Variants in RADIL observed in about 807,000 individuals in gnomAD.
RADIL encodes Rap associating with DIL domain.
RADIL carries 99 observed loss-of-function variants against 97.6 expected under a neutral mutation model. The ratio of observed to expected loss-of-function variants is 1.01; its 90% CI spans 0.86 to 1.20. The LOEUF (loss-of-function observed/expected upper bound fraction) is 1.20, where lower values mean the gene tolerates loss of function less well. Ranked by LOEUF, RADIL falls within the 50% of genes most tolerant of loss-of-function variation. The pLI is 0.00. For synonymous variants in RADIL, 803 were observed against 691.8 expected (o/e 1.16, Z -2.52); for missense variants, 1,765 against 1,498.9 (o/e 1.18, Z -2.93).
chr7:4,810,231 A>C (rs552190804), intron 9 of RADIL, among the ~76,000 whole-genome samples: 11 of 152,224 alleles, frequency 7.2e-5, no homozygotes, highest in South Asian at 6.2e-4. Flanking sequence ...TGGCACGATC[A>C]CAGCTCACTG....
rs144331716 is a variant in RADIL at position 4,842,184 on chromosome 7, A to C, written c.536-5579T>G. On this transcript the variant is annotated intron_variant, in intron 2 of 14. Coordinates refer to ENST00000399583, the MANE Select transcript of RADIL (RefSeq NM_018059.5). This position sits in a 1 kb window ranked among gnomAD's most constrained non-coding sequence, Gnocchi z 4.5. ...CCTTTGACAATGGGATAGAAGGAGT[A>C]GAAAGTGCAGGGCGCCGGGGCAATG... Among the ~76,000 whole-genome samples the C allele has an allele frequency of 0.011, 1,610 of 152,294 alleles. 14 individuals carry two copies. The highest frequency in any genetic ancestry group is 0.034 in the Middle Eastern group (10 of 294).
At chr7:4,803,797 T>C (rs1357704042) in intron 10 of RADIL, 43 bp from the exon 11 acceptor site, 2 of 1,512,762 alleles carry the variant, frequency 1.3e-6, no homozygotes, top group Non-Finnish European at 1.8e-6. Context: ...CAGGAGAAGC[T>C]GCCTCCCTCG....
intron 9 of RADIL, 80 bp from the exon 10 acceptor site, chr7:4,805,796 G>T (rs1022737368): frequency 1.3e-6 from 2 of 1,518,862 alleles, no homozygotes; most frequent in Non-Finnish European, 1.8e-6. Flanking sequence ...TCCACAGGTG[G>T]CCTGGGGGTA....
chr7:4,841,534 A>G (rs1269784797), intron 2 of RADIL, among the ~76,000 whole-genome samples: 1 of 152,200 alleles, frequency 6.6e-6, no homozygotes, highest in Non-Finnish European at 1.5e-5. Flanking sequence ...AGTGTCTGTC[A>G]GTTCCTGCAG....
At chr7:4,809,466 T>C in intron 9 of RADIL, 1 of 985,128 alleles carries the variant, frequency 1.0e-6, no homozygotes, top group Non-Finnish European at 1.2e-6. Flanking sequence ...CCAACGAATT[T>C]CCCCCGAGGA....
chr7:4,806,833 G>C (rs1376955955), intron 9 of RADIL, among the ~76,000 whole-genome samples: 2 of 152,202 alleles, frequency 1.3e-5, no homozygotes. Context: ...TTCTGCAGGT[G>C]CTGTTTTGTC....
At chr7:4,855,201 C>T (rs987462641) in intron 2 of RADIL, among the ~76,000 whole-genome samples, 1 of 152,120 alleles carries the variant, frequency 6.6e-6, no homozygotes, top group Non-Finnish European at 1.5e-5. Flanking sequence ...TTGGAACTTT[C>T]GGCTACTACA....
chr7:4,856,986 CG>C (rs1783848579), intron 2 of RADIL, among the ~76,000 whole-genome samples: 1 of 152,172 alleles, frequency 6.6e-6, no homozygotes, highest in Non-Finnish European at 1.5e-5. Flanking sequence ...GTCCTTAATG[CG>C]AAAAGTCCAC....
In RADIL at chr7:4,867,918, T is replaced by C. The variant is rs1436079709; in HGVS notation, c.535+9687A>G. 6.6e-6 allele frequency among the ~76,000 whole-genome samples: 1 copy of C among 152,200 alleles called. No individual in the cohort carries two copies. Among genetic ancestry groups the C allele is most frequent in the Non-Finnish European group, 1.5e-5 (1 of 68,034 alleles). On this transcript the variant is annotated intron_variant, in intron 2 of 14. Transcript: ENST00000399583. This position sits in a 1 kb window ranked among gnomAD's most constrained non-coding sequence, Gnocchi z 4.1. ...TGGCCACACAAAGCAGAGAGAAGCT[T>C]GGCCCTTTCTCTGCACTTACTTGTT...
In RADIL at chr7:4,854,460, G is replaced by A. The variant is rs938593917; in HGVS notation, c.536-17855C>T. On this transcript the variant is annotated intron_variant, in intron 2 of 14. Transcript: ENST00000399583. The surrounding 1 kb of genome is among the most constrained non-coding windows in gnomAD (Gnocchi z 5.1). ...TGTAATCCCAGCACGTTGGGAGGCC[G>A]AGGCAGGCAGATCACCTGAGGTCAG... is the stretch of plus-strand genomic sequence containing the variant. Among the ~76,000 whole-genome samples the A allele has an allele frequency of 3.3e-5, 5 of 152,216 alleles. No individual in the cohort carries two copies. Among genetic ancestry groups the A allele is most frequent in the African/African-American group, 1.2e-4 (5 of 41,456 alleles).
At chr7:4,874,341 C>T (rs1252888090) in intron 2 of RADIL, among the ~76,000 whole-genome samples, 1 of 152,270 alleles carries the variant, frequency 6.6e-6, no homozygotes, top group Non-Finnish European at 1.5e-5. Flanking sequence ...GCGGGGTCAT[C>T]CCCAGCGGAG....
At position 4,799,014 on chromosome 7, in the gene RADIL, C is replaced by T. The variant is rs1044059138; in HGVS notation, c.*364G>A. 2.7e-5 allele frequency: 7 copies of T among 257,722 alleles called. No individual in the cohort carries two copies. The highest frequency in any genetic ancestry group is 1.5e-4 in the Admixed American group (3 of 20,236). 16.0% of individuals were successfully genotyped at this position (257,722 alleles called of 1,614,324 possible). ...CAGCTGTCACTGCATTCTCCCGTGC[C>T]GGTGGCAGGCAGAGGCCATGGGGAG... is the stretch of plus-strand genomic sequence containing the variant. On this transcript the variant is annotated 3_prime_UTR_variant, in exon 15 of 15. Transcript: ENST00000399583.
intron 2 of RADIL, among the ~76,000 whole-genome samples, chr7:4,855,073 A>G (rs1020681658): frequency 6.6e-6 from 1 of 152,202 alleles, no homozygotes; most frequent in African/African-American, 2.4e-5. Flanking sequence ...CCTCAACATG[A>G]TGACACACAG....
chr7:4,841,783 A>G (rs1783445670), intron 2 of RADIL, among the ~76,000 whole-genome samples: 3 of 152,188 alleles, frequency 2.0e-5, no homozygotes, highest in Admixed American at 2.0e-4. Flanking sequence ...AGAAGAGAAC[A>G]CAAGGCCAGG....
chr7:4,827,535 C>A lies in RADIL; in HGVS notation c.1454+4606G>T, dbSNP rs1052392571. The stretch of plus-strand genomic sequence containing the variant: ...AATTAGCCGGGCGTGGTTGCAGGCG[C>A]CTGTAGTCCCAGCTACTCGGGAGGC... On this transcript the variant is annotated intron_variant, in intron 5 of 14. Coordinates refer to ENST00000399583, the MANE Select transcript of RADIL (RefSeq NM_018059.5). Among the ~76,000 whole-genome samples, 4 of 152,122 alleles carry A rather than the reference C, an allele frequency of 2.6e-5. No individual in the cohort carries two copies. In the East Asian group the frequency reaches 7.7e-4, roughly 29 times the overall value.
intron 2 of RADIL, among the ~76,000 whole-genome samples, chr7:4,839,227 A>G (rs190299284): frequency 7.4e-4 from 112 of 152,316 alleles, no homozygotes; most frequent in Admixed American, 1.4e-3. Context: ...TGTGCATGCA[A>G]AGCTATTTTT....
intron 12 of RADIL, among the ~76,000 whole-genome samples, chr7:4,801,057 T>G (rs1399907243): frequency 1.3e-5 from 2 of 152,176 alleles, no homozygotes; most frequent in African/African-American, 2.4e-5. Context: ...TGCACACATG[T>G]GCAAGCATGC....
rs943085269 is a variant in RADIL at position 4,817,061 on chromosome 7, G to T, written c.1728+178C>A. On this transcript the variant is annotated intron_variant, in intron 7 of 14. Coordinates refer to ENST00000399583, the MANE Select transcript of RADIL (RefSeq NM_018059.5). The surrounding 1 kb of genome is among the most constrained non-coding windows in gnomAD (Gnocchi z 8.3). ...TGCGACCTGAGGAGGAGCGGGTGTGGGGGGTGCAGCTGGGCCTGTGCAGAA... is the reference window on the plus strand; with the variant it reads ...TGCGACCTGAGGAGGAGCGGGTGTGTGGGGTGCAGCTGGGCCTGTGCAGAA... Among the ~76,000 whole-genome samples the T allele has an allele frequency of 6.6e-6, 1 of 152,270 alleles. No individual in the cohort carries two copies. Among genetic ancestry groups the T allele is most frequent in the East Asian group, 1.9e-4 (1 of 5,178 alleles).
At chr7:4,870,377 A>G (rs771596218) in intron 2 of RADIL, among the ~76,000 whole-genome samples, 2 of 152,180 alleles carry the variant, frequency 1.3e-5, no homozygotes, top group Non-Finnish European at 2.9e-5. Flanking sequence ...ATCCCCAAAC[A>G]TCTTTCAACC....
Sources: gnomAD v4.1 joint callset for allele counts (sites outside exome capture counted in the v4.1 genomes callset) on GRCh38, gnomAD v4.1.1 for gene constraint, Gnocchi (gnomAD v3.1) non-coding constraint, MANE v1.5 for transcripts, NCBI Gene and HGNC (gene_info 2026-07-23, HGNC 2026-07-21) for gene names.